GRAMD4: variants seen among roughly 807,000 people sequenced by gnomAD.
GRAMD4 encodes GRAM domain containing 4, also known as GRAM domain-containing protein 4.
In GRAMD4, 25 loss-of-function variants were observed where a neutral mutation model predicts 83.9. The observed-to-expected ratio is 0.30, with a 90% CI of 0.22 to 0.42. The LOEUF is 0.42. Among genes scored for constraint, GRAMD4 ranks in the 10% least tolerant of loss-of-function variants. The probability of loss-of-function intolerance (pLI) is 1.00; values close to 1 mark genes in which losing one functional copy is unlikely to be tolerated. For missense variants in GRAMD4, 593 were observed against 788.7 expected, an observed-to-expected ratio of 0.75 and a Z score of 2.97; for synonymous variants, 336 against 320.9, an observed-to-expected ratio of 1.05 and a Z score of -0.50.
rs57536316 is a variant in GRAMD4, at chr22:46,621,541, G to T, written c.-50+976G>T. On this transcript the variant is annotated intron_variant, in intron 1 of 18. Coordinates refer to ENST00000406902, the MANE Select transcript of GRAMD4 (RefSeq NM_015124.5). The surrounding 1 kb of genome is among the most constrained non-coding windows in gnomAD (Gnocchi z 5.8). ...AGGGCACCCCTACCCCGGTGCAGGCGCAGGCTGGAGGCGTAGCCCGGGCCC... is the reference window on the plus strand; with the variant it reads ...AGGGCACCCCTACCCCGGTGCAGGCTCAGGCTGGAGGCGTAGCCCGGGCCC... 1.9e-5 allele frequency among the ~76,000 whole-genome samples: 2 copies of T among 107,526 alleles called. No individual in the cohort carries two copies. Among genetic ancestry groups the T allele is most frequent in the South Asian group, 3.7e-4 (1 of 2,700 alleles). 70.5% of individuals were successfully genotyped at this position (107,526 alleles called of 152,430 possible).
upstream of GRAMD4, chr22:46,577,094 C>T (rs2081048909): frequency 6.4e-6 from 1 of 155,420 alleles, no homozygotes; most frequent in Non-Finnish European, 1.3e-5. Context: ...GCGCAGACTC[C>T]GCGCAGCGGG....
rs150755180 is a variant in GRAMD4 at position 46,605,272 on chromosome 22, A to G, written c.-49-21479A>G. Reference sequence around the variant, plus strand: ...TCCGGGTTCACCCAGGTTCTGGCAAATGTCAGAATTTCCTTCCTTTTCAGG... The same window carrying G: ...TCCGGGTTCACCCAGGTTCTGGCAAGTGTCAGAATTTCCTTCCTTTTCAGG... On this transcript the variant is annotated intron_variant, in intron 1 of 1. Coordinates refer to the GRAMD4 transcript ENST00000431155. 5.4e-3 allele frequency among the ~76,000 whole-genome samples: 823 copies of G among 152,338 alleles called. 2 individuals are homozygous for G. Among genetic ancestry groups the G allele is most frequent in the Middle Eastern group, 0.024 (7 of 294 alleles).
At chr22:46,652,535 G>A (rs994528646) in intron 3 of GRAMD4, among the ~76,000 whole-genome samples, 48 of 152,216 alleles carry the variant, frequency 3.2e-4, no homozygotes, top group Admixed American at 2.8e-3. Context: ...AAGGGGCTCC[G>A]TGGCCTGCCC....
rs549184864 is a variant in GRAMD4 at position 46,621,729 on chromosome 22, C to A, written c.-50+1164C>A. ...CGGGCCCGTCCCTGGCGCTGTGTCGCGGAGGGCACCCCTACCCCGGTGCAG... is the reference window on the plus strand; with the variant it reads ...CGGGCCCGTCCCTGGCGCTGTGTCGAGGAGGGCACCCCTACCCCGGTGCAG... On this transcript the variant is annotated intron_variant, in intron 1 of 18. Transcript: ENST00000406902. The surrounding 1 kb of genome is among the most constrained non-coding windows in gnomAD (Gnocchi z 5.8). 7.1e-6 allele frequency among the ~76,000 whole-genome samples: 1 copy of A among 140,172 alleles called. No homozygotes were observed. Among genetic ancestry groups the A allele is most frequent in the Non-Finnish European group, 1.6e-5 (1 of 64,494 alleles). 92.0% of individuals were successfully genotyped at this position (140,172 alleles called of 152,430 possible).
intron 1 of GRAMD4, among the ~76,000 whole-genome samples, chr22:46,581,501 A>T (rs1349008589): frequency 6.6e-6 from 1 of 152,236 alleles, no homozygotes; most frequent in African/African-American, 2.4e-5. Flanking sequence ...TGCCTTCCTG[A>T]TAACCCTCCT....
chr22:46,635,962 C>T (rs561833845), intron 2 of GRAMD4, among the ~76,000 whole-genome samples: 11 of 152,284 alleles, frequency 7.2e-5, no homozygotes, highest in African/African-American at 2.4e-4. Context: ...CTCCTGGCTG[C>T]GTGTGGGAGC....
chr22:46,658,420 C>A, intron 4 of GRAMD4, 113 bp downstream of exon 4: 1 of 1,084,512 alleles, frequency 9.2e-7, no homozygotes, highest in South Asian at 1.5e-5. Context: ...TCATTCTTGG[C>A]CCTGGAGAGG....
chr22:46,638,017 GAT>G, intron 3 of GRAMD4, 57 bp downstream of exon 3: 9 of 1,576,336 alleles, frequency 5.7e-6, no homozygotes, highest in Non-Finnish European at 7.8e-6. Flanking sequence ...GGGTGGCTGA[GAT>G]GGGGGATGTC....
intron 1 of GRAMD4, among the ~76,000 whole-genome samples, chr22:46,604,608 G>A (rs2081347513): frequency 6.6e-6 from 1 of 152,134 alleles, no homozygotes; most frequent in African/African-American, 2.4e-5. Context: ...CTGTGCATTT[G>A]ACTCCTCTGG....
At chr22:46,648,699 CATGG>C (rs201041889) in intron 3 of GRAMD4, among the ~76,000 whole-genome samples, 37 of 118,272 alleles carry the variant, frequency 3.1e-4, no homozygotes, top group East Asian at 5.0e-4. Context: ...TGGATGGATG[CATGG>C]ATGGATGGAT....
chr22:46,655,017 G>T (rs1285849817), intron 3 of GRAMD4, among the ~76,000 whole-genome samples: 3 of 152,222 alleles, frequency 2.0e-5, no homozygotes, highest in South Asian at 2.1e-4. Flanking sequence ...ACGCCAGATG[G>T]GGGGGCTGTT....
chr22:46,612,806 C>T (rs1383172501), intron 1 of GRAMD4, among the ~76,000 whole-genome samples: 21 of 152,246 alleles, frequency 1.4e-4, no homozygotes, highest in Non-Finnish European at 5.9e-5. Context: ...CCGTGCTGGC[C>T]AGTGGGTGGC....
upstream of GRAMD4, among the ~76,000 whole-genome samples, chr22:46,618,068 G>A (rs981726794): frequency 6.6e-6 from 1 of 152,128 alleles, no homozygotes; most frequent in Non-Finnish European, 1.5e-5. This position sits in a 1 kb window ranked among gnomAD's most constrained non-coding sequence, Gnocchi z 5.8. Flanking sequence ...TGGTGGCTGC[G>A]GGCTCAGGCT....
At position 46,663,067 on chromosome 22, in the gene GRAMD4, G is replaced by A. The variant is rs1174840060; in HGVS notation, c.494G>A (p.Arg165His). 5.0e-6 allele frequency: 8 copies of A among 1,611,866 alleles called. No homozygotes were observed. In the Admixed American group the frequency reaches 6.7e-5, roughly 13 times the overall value. Reference sequence around the variant, plus strand: ...CGCCGGAGCCAGGGGCTGTCCTCGCGCCTGCAGAAGTGGTTCTACGAGCGG... The same window carrying A: ...CGCCGGAGCCAGGGGCTGTCCTCGCACCTGCAGAAGTGGTTCTACGAGCGG... Reference protein sequence around the residue: ...AERRSQGLSSRLQKWFYERFG... With the variant: ...AERRSQGLSSHLQKWFYERFG... Residue 165 changes from arginine to histidine, a missense_variant, in exon 6 of 19, where the codon CGC (arginine) becomes CAC (histidine). This residue lies in a region of GRAMD4 where 312 missense variants were observed against 350.7 expected (regional missense o/e 0.89). Coordinates refer to ENST00000406902, the MANE Select transcript of GRAMD4 (RefSeq NM_015124.5).
intron 10 of GRAMD4, among the ~76,000 whole-genome samples, chr22:46,667,086 C>G (rs2082421709): frequency 6.6e-6 from 1 of 152,238 alleles, no homozygotes. Context: ...CATTCTAGTC[C>G]AGGCTTGGCT....
At chr22:46,575,966 G>A (rs5767272), upstream of GRAMD4, 104,387 of 152,328 alleles carry the variant, frequency 0.69, 36,404 homozygotes, top group East Asian at 0.91. Context: ...TTGCCACAGG[G>A]AGCTTCAGGT....
intron 2 of GRAMD4, among the ~76,000 whole-genome samples, chr22:46,627,585 G>A (rs931203048): frequency 2.6e-5 from 4 of 152,220 alleles, no homozygotes; most frequent in Non-Finnish European, 5.9e-5. Context: ...CCGAAGCATG[G>A]TGGGTTGGGC....
At position 46,644,697 on chromosome 22, in the gene GRAMD4, GTTTT is replaced by G. The variant is rs71192437; in HGVS notation, c.283+6771_283+6774del. Among the ~76,000 whole-genome samples, 486 of 97,088 alleles carry G rather than the reference GTTTT, an allele frequency of 5.0e-3. 4 individuals carry two copies. The highest frequency in any genetic ancestry group is 6.0e-3 in the East Asian group (19 of 3,142). 63.7% of individuals were successfully genotyped at this position (97,088 alleles called of 152,430 possible). On this transcript the variant is annotated intron_variant, in intron 3 of 18. Transcript: ENST00000406902. ...TCATCCACTTGTCCACTTGTTCCCT[GTTTT>G]TTTTTTTTTTTTTTTTTTTTTTTTT...
chr22:46,631,422 A>G (rs147900818), intron 2 of GRAMD4, among the ~76,000 whole-genome samples: 2,365 of 105,972 alleles, frequency 0.022, 14 homozygotes, highest in Middle Eastern at 0.17. Context: ...AGAACCTCAC[A>G]GCCTGTGTCC....
Sources: gnomAD v4.1 joint callset for allele counts (sites outside exome capture counted in the v4.1 genomes callset) on GRCh38, gnomAD v4.1.1 for gene constraint, gnomAD v4.1.1 regional missense constraint, Gnocchi (gnomAD v3.1) non-coding constraint, MANE v1.5 for transcripts, NCBI Gene and HGNC (gene_info 2026-07-23, HGNC 2026-07-21) for gene names.